The following CHST9 variants were observed in gnomAD, a reference collection of about 807,000 sequenced individuals.
CHST9 encodes the protein GalNAc-4-sulfotransferase 2.
In CHST9, 41 loss-of-function variants were observed where a neutral mutation model predicts 44.4. The ratio of observed to expected loss-of-function variants is 0.92; its 90% confidence interval spans 0.72 to 1.20. The LOEUF is 1.20. Ranked by LOEUF, CHST9 falls within the 50% of genes most tolerant of loss-of-function variation. The pLI is 0.00. For missense variants in CHST9, 504 were observed against 516.5 expected (o/e 0.98, Z 0.23); for synonymous variants, 171 against 178.4 (o/e 0.96, Z 0.33).
chr18:27,020,006 G>T lies in CHST9; in HGVS notation c.202+4110C>A, dbSNP rs144350612. Among the ~76,000 whole-genome samples the T allele has an allele frequency of 2.9e-3, 440 of 152,290 alleles. 4 individuals are homozygous for T. The highest frequency in any genetic ancestry group is 9.9e-3 in the African/African-American group (413 of 41,564). The stretch of plus-strand genomic sequence containing the variant: ...TTGTCTTTGCATTTGTTTTTAATGA[G>T]TGGTGAGTTGCTTTCTTGAGCAGGC... On this transcript the variant is annotated intron_variant, in intron 4 of 5. Transcript: ENST00000618847.
intron 4 of CHST9, among the ~76,000 whole-genome samples, chr18:27,002,485 C>T (rs567764903): frequency 1.2e-4 from 19 of 152,254 alleles, no homozygotes; most frequent in African/African-American, 4.3e-4. Flanking sequence ...AGAAATTGTA[C>T]TTTTGAGTAC....
rs141276579 is a variant in CHST9, at chr18:27,148,229, T to A, written c.-96-5324A>T. Reference sequence around the variant, plus strand: ...TTTATGGCTGCATAGTATTCCATGGTATAGACGTACCACATTTTCTTTTTT... The same window carrying A: ...TTTATGGCTGCATAGTATTCCATGGAATAGACGTACCACATTTTCTTTTTT... On this transcript the variant is annotated intron_variant, in intron 1 of 5. Transcript: ENST00000618847. 8.1e-3 allele frequency among the ~76,000 whole-genome samples: 1,237 copies of A among 152,242 alleles called. 10 individuals are homozygous for A. Among genetic ancestry groups the A allele is most frequent in the Non-Finnish European group, 0.012 (810 of 68,032 alleles).
intron 2 of CHST9, among the ~76,000 whole-genome samples, chr18:27,139,300 A>G (rs763694839): frequency 6.6e-6 from 1 of 152,154 alleles, no homozygotes; most frequent in Non-Finnish European, 1.5e-5. Flanking sequence ...AGCATTACTT[A>G]TAGAAAGTCT....
chr18:26,937,144 C>T (rs999308774), intron 5 of CHST9, among the ~76,000 whole-genome samples: 3 of 152,068 alleles, frequency 2.0e-5, no homozygotes, highest in Non-Finnish European at 2.9e-5. Flanking sequence ...CAGTGGGCAA[C>T]GGATTATGCC....
chr18:26,984,335 C>T (rs2056728243), intron 4 of CHST9, among the ~76,000 whole-genome samples: 2 of 152,062 alleles, frequency 1.3e-5, no homozygotes, highest in South Asian at 4.1e-4. Flanking sequence ...TTATTTCTAT[C>T]CTGACTCCCA....
In CHST9 at chr18:26,962,438, C is replaced by G. The variant is rs139922074; in HGVS notation, c.203-18072G>C. On this transcript the variant is annotated intron_variant, in intron 4 of 5. Transcript: ENST00000618847. ...CCTAAGTAACTAGGACTACAGGCAT[C>G]TGCCACCATGCCCGGCTAGTTTTTG... Among the ~76,000 whole-genome samples the G allele has an allele frequency of 2.8e-3, 421 of 151,996 alleles. 1 individual carries two copies. The highest frequency in any genetic ancestry group is 9.8e-3 in the African/African-American group (406 of 41,466).
At chr18:27,099,707 AAAC>A (rs990314183) in intron 2 of CHST9, among the ~76,000 whole-genome samples, 14 of 152,074 alleles carry the variant, frequency 9.2e-5, no homozygotes, top group African/African-American at 2.2e-4. Context: ...TACAAATTAA[AAAC>A]AACAACAACA....
Position 26,916,891 on chromosome 18 carries a change from G to T in CHST9, c.700C>A (p.Leu234Ile), listed in dbSNP as rs760160843. 6.2e-6 allele frequency: 10 copies of T among 1,613,898 alleles called. No homozygotes were observed. Among genetic ancestry groups the T allele is most frequent in the Non-Finnish European group, 8.5e-6 (10 of 1,179,854 alleles). ...TATGCAGAGGAAGCCAATCCATTTA[G>T]TACCATCAGAATTCTTTTCCAATTG... is the stretch of plus-strand genomic sequence containing the variant. The part of the protein sequence containing the change: ...CSNWKRILMV[L>I]NGLASSAYNI... The change falls in exon 6 of 6, where the codon CTA becomes ATA. Residue 234 changes from leucine (L) to isoleucine (I), a missense_variant. Coordinates refer to ENST00000618847, the MANE Select transcript of CHST9 (RefSeq NM_031422.6).
At chr18:26,944,189 T>C (rs1251467846) in intron 5 of CHST9, 140 bp downstream of exon 5, 4 of 669,984 alleles carry the variant, frequency 6.0e-6, no homozygotes, top group Non-Finnish European at 1.0e-5. Flanking sequence ...ACCAAATATG[T>C]TTTTTTCCCC....
rs536120696 is a variant in CHST9 at position 26,991,955 on chromosome 18, G to T, written c.202+32161C>A. Among the ~76,000 whole-genome samples, 9 of 128,498 alleles carry T rather than the reference G, an allele frequency of 7.0e-5. 1 individual carries two copies. Among genetic ancestry groups the T allele is most frequent in the African/African-American group, 2.4e-4 (9 of 38,148 alleles). The allele number at this position is 128,498 out of a possible 152,430, so 84.3% of individuals were successfully genotyped here. A position where few individuals can be genotyped will look rare whatever the true frequency, so the allele number is the denominator to read the frequency against. Reference sequence around the variant, plus strand: ...AGGCAGAGCAGTGGGCAGTTGTTGTGAGGGAAAGTAGGGTTAGAAGAGAAT... The same window carrying T: ...AGGCAGAGCAGTGGGCAGTTGTTGTTAGGGAAAGTAGGGTTAGAAGAGAAT... On this transcript the variant is annotated intron_variant, in intron 4 of 5. Coordinates refer to ENST00000618847, the MANE Select transcript of CHST9 (RefSeq NM_031422.6).
chr18:27,128,514 C>T (rs771783614), intron 2 of CHST9, among the ~76,000 whole-genome samples: 61 of 152,156 alleles, frequency 4.0e-4, no homozygotes, highest in Non-Finnish European at 6.3e-4. Context: ...ATGATCCACC[C>T]GCCTCGGCCT....
At chr18:27,070,405 G>T (rs2057825999) in intron 2 of CHST9, among the ~76,000 whole-genome samples, 1 of 152,136 alleles carries the variant, frequency 6.6e-6, no homozygotes, top group African/African-American at 2.4e-5. Flanking sequence ...CTCTATATCT[G>T]TTCAATAGGA....
Position 26,912,282 on chromosome 18 carries a change from C to A in CHST9, c.*3977G>T, listed in dbSNP as rs1318265276. 6.6e-6 allele frequency: 1 copy of A among 151,452 alleles called. No homozygotes were observed. The highest frequency in any genetic ancestry group is 1.5e-5 in the Non-Finnish European group (1 of 67,922). 9.4% of individuals were successfully genotyped at this position (151,452 alleles called of 1,614,324 possible). On this transcript the variant is annotated 3_prime_UTR_variant, in exon 6 of 6. Coordinates refer to ENST00000618847, the MANE Select transcript of CHST9 (RefSeq NM_031422.6). ...TACAAAAAAGTTGTGGGGAGGAAAC[C>A]TAATTTCTTCCAAAGTCTTTGAACC...
In CHST9 at chr18:26,916,372, C is replaced by T. The variant is rs1238657836; in HGVS notation, c.1219G>A (p.Ala407Thr). ...DRHSSDERTN[A>T]QVVRQYLKDL... Reference sequence around the variant, plus strand: ...TTTAAATACTGTCTCACGACTTGAGCATTGGTTCTTTCATCGGAAGAGTGC... The same window carrying T: ...TTTAAATACTGTCTCACGACTTGAGTATTGGTTCTTTCATCGGAAGAGTGC... Residue 407 changes from alanine (A) to threonine (T), a missense_variant, in exon 6 of 6, where the codon GCT (alanine) becomes ACT (threonine). Transcript: ENST00000618847. 1 of 1,613,768 alleles carries T rather than the reference C, an allele frequency of 6.2e-7. No individual in the cohort carries two copies.
intron 4 of CHST9, among the ~76,000 whole-genome samples, chr18:26,996,727 C>G (rs1421303196): frequency 6.6e-6 from 1 of 152,156 alleles, no homozygotes; most frequent in Non-Finnish European, 1.5e-5. Context: ...AAAATACTCT[C>G]TTGTCCCTCC....
intron 4 of CHST9, among the ~76,000 whole-genome samples, chr18:26,974,890 G>A (rs528384752): frequency 1.1e-3 from 167 of 152,172 alleles, no homozygotes; most frequent in African/African-American, 3.8e-3. Flanking sequence ...TGGCCAGGCT[G>A]GTCTTGAACT....
intron 4 of CHST9, among the ~76,000 whole-genome samples, chr18:27,015,834 T>C (rs2057146690): frequency 6.6e-6 from 1 of 152,192 alleles, no homozygotes; most frequent in Non-Finnish European, 1.5e-5. Context: ...AGATTGATGG[T>C]GTCTGTGAGA....
chr18:26,952,159 C>A, intron 4 of CHST9: 1 of 511,200 alleles, frequency 2.0e-6, no homozygotes, highest in South Asian at 1.4e-5. Context: ...GCTTCCACAT[C>A]ATAGCAGGAG....
chr18:26,967,986 G>A (rs2056488952), intron 4 of CHST9, among the ~76,000 whole-genome samples: 1 of 152,198 alleles, frequency 6.6e-6, no homozygotes, highest in Non-Finnish European at 1.5e-5. Flanking sequence ...TTACATCAGT[G>A]ATTTGCCAGG....
Sources: allele counts gnomAD v4.1 joint callset (sites outside exome capture counted in the v4.1 genomes callset), GRCh38; gene constraint gnomAD v4.1.1; transcripts MANE v1.5; gene names NCBI Gene and HGNC (gene_info 2026-07-23, HGNC 2026-07-21).